Variants in POLRMT observed in about 807,000 individuals in gnomAD.
The protein encoded by POLRMT is RNA polymerase mitochondrial.
In POLRMT, 114 loss-of-function variants were observed where a neutral mutation model predicts 132.2. That is an observed-to-expected ratio of 0.86 (90% confidence interval 0.74 to 1.01). The LOEUF (loss-of-function observed/expected upper bound fraction) is 1.01. POLRMT is among the 50% of genes least tolerant of loss of function. The pLI is 0.00. For missense variants in POLRMT, 2,003 were observed against 1,729.1 expected (o/e 1.16, Z -2.81); for synonymous variants, 1,020 against 773.4 (o/e 1.32, Z -5.29).
In POLRMT at chr19:633,478, C is replaced by T. The variant is rs1391550786; in HGVS notation, c.35G>A (p.Gly12Glu). 6.4e-7 allele frequency: 1 copy of T among 1,561,464 alleles called. No homozygotes were observed. Among genetic ancestry groups the T allele is most frequent in the Non-Finnish European group, 8.7e-7 (1 of 1,155,422 alleles). Residue 12 changes from glycine to glutamate, a missense_variant, in exon 1 of 21, where the codon GGG becomes GAG. Transcript: ENST00000588649. The stretch of plus-strand genomic sequence containing the variant: ...GCAAGGCCGTAGGGCTCGTTTGAGC[C>T]CCGCCGCTCCGCGGCCCCAGCAAAG... Reference protein sequence around the residue: ...SALCWGRGAAGLKRALRPCGR... With the variant: ...SALCWGRGAAELKRALRPCGR...
intron 9 of POLRMT, 23 bp from the exon 10 acceptor site, chr19:621,869 G>A (rs947694028): frequency 3.1e-6 from 5 of 1,599,638 alleles, no homozygotes; most frequent in Non-Finnish European, 2.5e-6. Context: ...AGGCAGACGG[G>A]TCAGGGCCCC....
In POLRMT at chr19:633,166, G is replaced by A. The variant is rs544551846; in HGVS notation, c.89-228C>T. On this transcript the variant is annotated intron_variant, in intron 1 of 20. Coordinates refer to ENST00000588649, the MANE Select transcript of POLRMT (RefSeq NM_005035.4). ...GAGGGTTCCTCGCACTCGAGGTGCA[G>A]CAGGTCAAAGGTTAAGAGCCCTAAA... 8.7e-5 allele frequency: 52 copies of A among 594,558 alleles called. No individual in the cohort carries two copies. In the East Asian group the frequency reaches 1.5e-3, roughly 17 times the overall value. The allele number at this position is 594,558 out of a possible 1,614,324, so 36.8% of individuals were successfully genotyped here.
intron 3 of POLRMT, among the ~76,000 whole-genome samples, chr19:626,752 T>C (rs1000061307): frequency 6.8e-6 from 1 of 147,892 alleles, no homozygotes; most frequent in Non-Finnish European, 1.5e-5. Flanking sequence ...TCTCAGCTAC[T>C]GGGAGCCTGG....
chr19:631,570 C>T (rs1042378295), intron 2 of POLRMT, among the ~76,000 whole-genome samples: 2 of 151,532 alleles, frequency 1.3e-5, no homozygotes, highest in South Asian at 2.1e-4. Flanking sequence ...ACTCGGGAGG[C>T]GGAGGCTGCA....
intron 2 of POLRMT, 75 bp downstream of exon 2, chr19:632,759 C>A: frequency 7.6e-7 from 1 of 1,309,732 alleles, no homozygotes; most frequent in Non-Finnish European, 1.0e-6. Context: ...GTCTCAGAAT[C>A]TGAGCCTTTG....
chr19:628,419 G>C (rs916713202), intron 3 of POLRMT, among the ~76,000 whole-genome samples: 1 of 152,300 alleles, frequency 6.6e-6, no homozygotes, highest in Non-Finnish European at 1.5e-5. Context: ...TCCACCTCGC[G>C]GTAAGAGCAC....
In POLRMT at chr19:622,944, T is replaced by G. The variant is rs1351535890; in HGVS notation, c.1332A>C (p.Ala444=). 2 of 1,612,970 alleles carry G rather than the reference T, an allele frequency of 1.2e-6. No homozygotes were observed. The highest frequency in any genetic ancestry group is 4.5e-5 in the East Asian group (2 of 44,868). ...LKTLRDQWEK[A]LCRALRETKN... ...TGGTCTCCCGCAGCGCCCGGCACAG[T>G]GCTTTCTCCCATTGGTCCCGCAGGG... The change falls in exon 7 of 21, where the codon GCA becomes GCC. Residue 444 remains alanine, a synonymous_variant. Transcript: ENST00000588649.
At position 619,309 on chromosome 19, in the gene POLRMT, G is replaced by A. The variant is rs377467562; in HGVS notation, c.3067-13C>T. On this transcript the variant is annotated splice_polypyrimidine_tract_variant and intron_variant, in intron 13 of 20. Transcript: ENST00000588649. ...CCCACACGAACTCCTGCAGAGGGCG[G>A]GCAGCAGGTGCAGGTCCTCAGGGGC... 4.4e-6 allele frequency: 7 copies of A among 1,608,184 alleles called. No homozygotes were observed. The highest frequency in any genetic ancestry group is 1.3e-5 in the African/African-American group (1 of 74,354).
chr19:625,173 C>A lies in POLRMT; in HGVS notation c.904G>T (p.Ala302Ser), dbSNP rs1984935848. The part of the protein sequence containing the change: ...LTPDLLSYAA[A>S]LQCMGRQDQD... ...TCCTGCCTCCCCATGCACTGGAGGG[C>A]AGCCGCATAGGACAGCAGGTCCGGA... Residue 302 changes from alanine to serine, a missense_variant, in exon 4 of 21, where the codon GCC (alanine) becomes TCC (serine). Ala to Ser is a moderately conservative substitution (Grantham distance 99, BLOSUM62 1). Transcript: ENST00000588649. 1 of 1,613,994 alleles carries A rather than the reference C, an allele frequency of 6.2e-7. No homozygotes were observed. The highest frequency in any genetic ancestry group is 8.5e-7 in the Non-Finnish European group (1 of 1,179,982).
In POLRMT at chr19:618,207, GCT is replaced by G. The variant is rs1336855640; in HGVS notation, c.3422+279_3422+280del. 5.5e-6 allele frequency: 3 copies of G among 547,178 alleles called. No individual in the cohort carries two copies. In the East Asian group the frequency reaches 9.1e-5, roughly 17 times the overall value. 33.9% of individuals were successfully genotyped at this position (547,178 alleles called of 1,614,324 possible). A position where few individuals can be genotyped will look rare whatever the true frequency, so the allele number is the denominator to read the frequency against. ...GATTCTGCTGGAACGACCTCCACGTGCTCCAGATCTAACCACACATCGCGGTG... is the reference window on the plus strand; with the variant it reads ...GATTCTGCTGGAACGACCTCCACGTGCCAGATCTAACCACACATCGCGGTG... On this transcript the variant is annotated intron_variant, in intron 17 of 20. Transcript: ENST00000588649.
In POLRMT at chr19:624,830, A is replaced by G; in HGVS notation, c.1029T>C (p.Asp343=). ...LFTAVLLSEE[D]RATVLKAVHK... ...GCACGGCCTTCAGAACAGTGGCCCG[A>G]TCCTCCTCAGACAGCAGAACGGCGG... The change falls in exon 5 of 21, where the codon GAT becomes GAC. Residue 343 remains aspartate, a synonymous_variant. Transcript: ENST00000588649. 1 of 1,613,400 alleles carries G rather than the reference A, an allele frequency of 6.2e-7. No homozygotes were observed. Among genetic ancestry groups the G allele is most frequent in the Non-Finnish European group, 8.5e-7 (1 of 1,179,986 alleles).
At chr19:621,930 G>A (rs947501732) in intron 9 of POLRMT, 84 bp from the exon 10 acceptor site, 4 of 1,469,998 alleles carry the variant, frequency 2.7e-6, no homozygotes, top group Non-Finnish European at 3.6e-6. Flanking sequence ...GAGAGGGGCC[G>A]GCTCCCCGGC....
intron 11 of POLRMT, 99 bp downstream of exon 11, chr19:620,266 G>A (rs528437882): frequency 3.1e-5 from 45 of 1,461,728 alleles, no homozygotes; most frequent in Middle Eastern, 1.9e-4. Context: ...ACCACCTCCA[G>A]AGAATACCAC....
chr19:619,930 T>C (rs955714739), intron 12 of POLRMT, 28 bp downstream of exon 12: 16 of 1,599,406 alleles, frequency 1.0e-5, no homozygotes, highest in East Asian at 6.7e-5. Flanking sequence ...CACGCCGAGA[T>C]GCCCCCGGGC....
intron 13 of POLRMT, 46 bp from the exon 14 acceptor site, chr19:619,342 T>C: frequency 6.3e-7 from 1 of 1,575,384 alleles, no homozygotes; most frequent in African/African-American, 1.4e-5. Context: ...GGCTGGCCCG[T>C]TCACGCCCTA....
At chr19:625,497 A>G (rs941909804) in intron 3 of POLRMT, 8 of 480,520 alleles carry the variant, frequency 1.7e-5, no homozygotes, top group African/African-American at 1.6e-4. Context: ...TCTGGGAGGC[A>G]GCTTGTTAAA....
rs559370508 is a variant in POLRMT, at chr19:618,031, G to A, written c.3423-182C>T. 6 of 607,160 alleles carry A rather than the reference G, an allele frequency of 9.9e-6. No individual in the cohort carries two copies. In the East Asian group the frequency reaches 1.4e-4, roughly 14 times the overall value. The allele number at this position is 607,160 out of a possible 1,614,324, so 37.6% of individuals were successfully genotyped here. ...CATCCTGGGTTAGGTATCAGTACAG[G>A]GGGAGGAAATGTTCCCAGAAGCCTC... is the stretch of plus-strand genomic sequence containing the variant. On this transcript the variant is annotated intron_variant, in intron 17 of 20. Coordinates refer to ENST00000588649, the MANE Select transcript of POLRMT (RefSeq NM_005035.4).
Position 622,836 on chromosome 19 carries a change from C to T in POLRMT, c.1440G>A (p.Val480=). ...FLCLLDEREV[V]RMLLQVLQAL... is the part of the protein sequence containing the mutation. ...GAAGACGCACCTGCAGGAGCATCCG[C>T]ACCACCTCGCGCTCGTCCAGCAGGC... Residue 480 remains valine (V), a synonymous_variant, in exon 7 of 21, where the codon GTG becomes GTA. Transcript: ENST00000588649. 6.3e-7 allele frequency: 1 copy of T among 1,598,642 alleles called. No individual in the cohort carries two copies. Among genetic ancestry groups the T allele is most frequent in the Non-Finnish European group, 8.5e-7 (1 of 1,173,554 alleles).
intron 17 of POLRMT, chr19:618,112 G>C (rs148944187): frequency 1.8e-6 from 1 of 569,760 alleles, no homozygotes; most frequent in South Asian, 2.1e-5. Context: ...CTCCGAGGGC[G>C]GCTACGAGGT....
Sources: allele counts gnomAD v4.1 joint callset (sites outside exome capture counted in the v4.1 genomes callset), GRCh38; gene constraint gnomAD v4.1.1; transcripts MANE v1.5; gene names NCBI Gene and HGNC (gene_info 2026-07-23, HGNC 2026-07-21).